GALNTL5: variants seen among roughly 807,000 people sequenced by gnomAD.
GALNTL5 encodes the protein polypeptide N-acetylgalactosaminyltransferase like 5, also known as inactive polypeptide N-acetylgalactosaminyltransferase-like protein 5.
A neutral mutation model predicts 51.0 loss-of-function variants in GALNTL5; 44 were observed. That is an observed-to-expected ratio of 0.86 (90% confidence interval 0.68 to 1.11). The LOEUF is 1.11. Among genes scored for constraint, GALNTL5 ranks in the 50% least tolerant of loss-of-function variants. GALNTL5 has a pLI of 0.00. For synonymous variants in GALNTL5, 192 were observed against 182.8 expected (o/e 1.05, Z -0.41); for missense variants, 528 against 531.8 (o/e 0.99, Z 0.07).
intron 3 of GALNTL5, among the ~76,000 whole-genome samples, chr7:151,977,261 A>G (rs1389072531): frequency 2.0e-5 from 3 of 152,226 alleles, no homozygotes; most frequent in Non-Finnish European, 4.4e-5. Context: ...AAACTTTCCT[A>G]TAACAAGTAG....
chr7:152,002,647 C>T (rs967069356), intron 5 of GALNTL5, 67 bp from the exon 6 acceptor site: 12 of 1,550,290 alleles, frequency 7.7e-6, no homozygotes, highest in African/African-American at 1.4e-5. Flanking sequence ...TCACATTGAA[C>T]TTTGATTTGG....
At chr7:151,972,271 C>T (rs2081154167) in intron 3 of GALNTL5, among the ~76,000 whole-genome samples, 1 of 152,192 alleles carries the variant, frequency 6.6e-6, no homozygotes, top group African/African-American at 2.4e-5. Context: ...AAAGGTGACT[C>T]TTGTTATGCT....
chr7:152,003,341 C>G (rs999538836), intron 6 of GALNTL5, among the ~76,000 whole-genome samples: 14 of 152,166 alleles, frequency 9.2e-5, no homozygotes, highest in Admixed American at 3.3e-4. Flanking sequence ...TGTACAGTTG[C>G]ACCAGCTGTG....
chr7:152,004,291 C>G (rs948711196), intron 6 of GALNTL5, among the ~76,000 whole-genome samples: 2 of 150,274 alleles, frequency 1.3e-5, no homozygotes, highest in Non-Finnish European at 3.0e-5. Flanking sequence ...TGTCAGTATA[C>G]CTTTGTGTGA....
intron 2 of GALNTL5, among the ~76,000 whole-genome samples, chr7:151,967,792 C>T (rs1036790273): frequency 6.6e-5 from 10 of 152,134 alleles, no homozygotes; most frequent in African/African-American, 1.7e-4. Flanking sequence ...CCCGTCCCCA[C>T]GCCACCCTCA....
intron 1 of GALNTL5, among the ~76,000 whole-genome samples, chr7:151,960,915 G>A (rs1056801066): frequency 2.6e-5 from 4 of 152,222 alleles, no homozygotes; most frequent in Admixed American, 6.5e-5. Flanking sequence ...GTCCTATTCT[G>A]GTGCTTTGAT....
chr7:152,000,374 G>A (rs1031039352), intron 5 of GALNTL5, among the ~76,000 whole-genome samples: 3 of 152,184 alleles, frequency 2.0e-5, no homozygotes, highest in African/African-American at 4.8e-5. Context: ...CCCAGTTTGT[G>A]GGAACTGCTG....
At chr7:152,007,414 T>TC (rs2081659520) in intron 6 of GALNTL5, among the ~76,000 whole-genome samples, 1 of 51,346 alleles carries the variant, frequency 1.9e-5, no homozygotes, top group Admixed American at 1.6e-4. Context: ...ATGTTTTCTC[T>TC]TTTTTTTTTT....
intron 1 of GALNTL5, among the ~76,000 whole-genome samples, chr7:151,961,938 C>T (rs1043108369): frequency 6.6e-6 from 1 of 151,818 alleles, no homozygotes; most frequent in Non-Finnish European, 1.5e-5. Context: ...CCTGCCCAGC[C>T]CCCAGTTCAA....
In GALNTL5 at chr7:152,014,730, A is replaced by G. The variant is rs751177028; in HGVS notation, c.1113A>G (p.Thr371=). Residue 371 remains threonine (T), a synonymous_variant, in exon 8 of 9, where the codon ACA becomes ACG. Coordinates refer to ENST00000392800, the MANE Select transcript of GALNTL5 (RefSeq NM_145292.4). ...ISKKQTGKPS[T]IISAMTHNYL... is the part of the protein sequence containing the mutation. ...AGAAACAAACTGGAAAACCTTCTAC[A>G]ATCATCAGTGCTATGACACATAACT... 2.5e-6 allele frequency: 4 copies of G among 1,613,934 alleles called. No individual in the cohort carries two copies. Among genetic ancestry groups the G allele is most frequent in the Non-Finnish European group, 3.4e-6 (4 of 1,179,980 alleles).
At chr7:152,004,800 T>C (rs1327409532) in intron 6 of GALNTL5, among the ~76,000 whole-genome samples, 1 of 152,266 alleles carries the variant, frequency 6.6e-6, no homozygotes, top group Admixed American at 6.5e-5. Context: ...TTTTTATGGC[T>C]GAATAGTATT....
chr7:151,994,644 C>T (rs573368213), intron 5 of GALNTL5, among the ~76,000 whole-genome samples: 15 of 152,176 alleles, frequency 9.9e-5, no homozygotes, highest in Non-Finnish European at 1.8e-4. Flanking sequence ...TCTGCATGAC[C>T]TGTTATCTTA....
At chr7:151,981,376 A>G (rs2081283752) in intron 3 of GALNTL5, among the ~76,000 whole-genome samples, 1 of 152,132 alleles carries the variant, frequency 6.6e-6, no homozygotes, top group Non-Finnish European at 1.5e-5. Flanking sequence ...CCTTGGAGGT[A>G]GGTTGATATC....
intron 3 of GALNTL5, among the ~76,000 whole-genome samples, chr7:151,978,047 T>C (rs1452393578): frequency 1.3e-5 from 2 of 152,272 alleles, no homozygotes; most frequent in East Asian, 3.9e-4. Context: ...TAGTTATCTT[T>C]ATTGGTTCAT....
chr7:152,005,096 C>T (rs935049133), intron 6 of GALNTL5, among the ~76,000 whole-genome samples: 6 of 152,202 alleles, frequency 3.9e-5, no homozygotes, highest in Non-Finnish European at 8.8e-5. Context: ...TCCCTTTTCT[C>T]CTCATCCTCG....
chr7:152,013,241 C>T (rs193285493), intron 7 of GALNTL5, among the ~76,000 whole-genome samples: 41 of 151,996 alleles, frequency 2.7e-4, no homozygotes, highest in East Asian at 1.9e-3. Flanking sequence ...CTATTGAGTG[C>T]GATGCTCATT....
chr7:151,994,617 CG>C (rs1200251296), intron 5 of GALNTL5, among the ~76,000 whole-genome samples: 1 of 152,132 alleles, frequency 6.6e-6, no homozygotes, highest in Non-Finnish European at 1.5e-5. Flanking sequence ...TCCCCTGGAA[CG>C]TTCTTCTCTC....
chr7:152,011,456 C>T (rs141594027), intron 7 of GALNTL5, among the ~76,000 whole-genome samples: 114 of 152,338 alleles, frequency 7.5e-4, no homozygotes, highest in African/African-American at 1.8e-3. Context: ...CTGATCTCCC[C>T]GACACCTGCA....
intron 3 of GALNTL5, among the ~76,000 whole-genome samples, chr7:151,974,215 G>C (rs535437429): frequency 5.8e-5 from 3 of 51,732 alleles, no homozygotes; most frequent in African/African-American, 2.0e-4. Flanking sequence ...CTTCCTGGCA[G>C]TCATCATTCT....
Sources: gnomAD v4.1 joint callset for allele counts (sites outside exome capture counted in the v4.1 genomes callset) on GRCh38, gnomAD v4.1.1 for gene constraint, MANE v1.5 for transcripts, NCBI Gene and HGNC (gene_info 2026-07-23, HGNC 2026-07-21) for gene names.